The following NAALADL2 variants were observed in gnomAD, a reference collection of about 807,000 sequenced individuals.
The protein encoded by NAALADL2 is inactive N-acetylated-alpha-linked acidic dipeptidase-like protein 2.
Under a neutral mutation model 87.2 loss-of-function variants are expected in NAALADL2, and 76 were observed. That is an observed-to-expected ratio of 0.87 (90% confidence interval 0.72 to 1.05). The LOEUF (loss-of-function observed/expected upper bound fraction) is 1.05, where lower values mean the gene tolerates loss of function less well. Ranked by LOEUF, NAALADL2 falls within the 50% of genes least tolerant of loss-of-function variation. The pLI, the probability that NAALADL2 is intolerant of heterozygous loss-of-function variation, is 0.00. For synonymous variants in NAALADL2, 354 were observed against 331.0 expected, an observed-to-expected ratio of 1.07 and a Z score of -0.75; for missense variants, 1,089 against 945.8, an observed-to-expected ratio of 1.15 and a Z score of -1.99.
chr3:175,117,785 T>C (rs1580541691), intron 2 of NAALADL2, among the ~76,000 whole-genome samples: 1 of 152,114 alleles, frequency 6.6e-6, no homozygotes, highest in Non-Finnish European at 1.5e-5. Flanking sequence ...CAAAGGATTA[T>C]AAATCATGCT....
chr3:175,418,962 T>C (rs1409028688), intron 5 of NAALADL2, among the ~76,000 whole-genome samples: 1 of 151,956 alleles, frequency 6.6e-6, no homozygotes, highest in Non-Finnish European at 1.5e-5. Context: ...ATGTATCAGA[T>C]GTGATAAACC....
intron 2 of NAALADL2, among the ~76,000 whole-genome samples, chr3:174,562,083 ATAT>A (rs1224948172): frequency 3.3e-5 from 5 of 152,148 alleles, no homozygotes; most frequent in Non-Finnish European, 7.4e-5. Flanking sequence ...GAATACAGAA[ATAT>A]TATTTCATGC....
chr3:175,083,941 G>A (rs191990855), intron 1 of NAALADL2, among the ~76,000 whole-genome samples: 152 of 152,296 alleles, frequency 1.0e-3, no homozygotes, highest in Middle Eastern at 3.4e-3. Context: ...ATTAAGAACT[G>A]AACCTGAGGG....
At position 174,644,445 on chromosome 3, in the gene NAALADL2, GGAGGAA is replaced by G. The variant is rs565660530; in HGVS notation, c.-114-93183_-114-93178del. Among the ~76,000 whole-genome samples, 1,017 of 152,278 alleles carry G rather than the reference GGAGGAA, an allele frequency of 6.7e-3. 5 individuals are homozygous for G. Among genetic ancestry groups the G allele is most frequent in the South Asian group, 0.011 (54 of 4,826 alleles). On this transcript the variant is annotated intron_variant, in intron 2 of 3. Transcript: ENST00000434257. ...ATTGTTTTCATGCTGAGTAGGCTAA[GGAGGAA>G]GAGGAAGAGGAATGGTTGATCTTGC...
rs573322885 is a variant in NAALADL2 at position 175,341,311 on chromosome 3, A to G, written c.1090+16986A>G. ...AGCATAATACTTTTAAGATTCATTC[A>G]TGTTGTAGCAGGTATCAGTACTTTA... On this transcript the variant is annotated intron_variant, in intron 5 of 13. Coordinates refer to ENST00000454872, the MANE Select transcript of NAALADL2 (RefSeq NM_207015.3). 4.1e-4 allele frequency among the ~76,000 whole-genome samples: 62 copies of G among 152,262 alleles called. 1 individual carries two copies. The highest frequency in any genetic ancestry group is 6.2e-4 in the South Asian group (3 of 4,826).
At chr3:174,936,237 G>C (rs1221660491) in intron 1 of NAALADL2, among the ~76,000 whole-genome samples, 1 of 152,004 alleles carries the variant, frequency 6.6e-6, no homozygotes, top group Non-Finnish European at 1.5e-5. Flanking sequence ...TAGTAGTTTG[G>C]AAATGACTTT....
chr3:174,927,588 C>T (rs971890618), intron 1 of NAALADL2, among the ~76,000 whole-genome samples: 1 of 152,164 alleles, frequency 6.6e-6, no homozygotes, highest in Non-Finnish European at 1.5e-5. Flanking sequence ...GGAAACTGAA[C>T]AACCTGCTCC....
At chr3:174,580,387 A>G (rs1411873055) in intron 2 of NAALADL2, among the ~76,000 whole-genome samples, 1 of 152,110 alleles carries the variant, frequency 6.6e-6, no homozygotes, top group Non-Finnish European at 1.5e-5. Flanking sequence ...AAATCCTCTC[A>G]TCTTTTTATA....
intron 1 of NAALADL2, among the ~76,000 whole-genome samples, chr3:174,869,935 C>T (rs997559728): frequency 6.8e-6 from 1 of 147,104 alleles, no homozygotes; most frequent in African/African-American, 2.5e-5. Context: ...GGCGGAGGTT[C>T]CAGTGGGCCG....
intron 5 of NAALADL2, among the ~76,000 whole-genome samples, chr3:175,444,392 C>G (rs1005253578): frequency 6.6e-6 from 1 of 152,174 alleles, no homozygotes; most frequent in African/African-American, 2.4e-5. Context: ...AATTTGTCCT[C>G]AAGTGCAGCC....
chr3:175,642,499 C>CTTTT (rs1206070195), intron 11 of NAALADL2, among the ~76,000 whole-genome samples: 31 of 141,422 alleles, frequency 2.2e-4, no homozygotes, highest in Non-Finnish European at 2.3e-4. Context: ...TCACCCAAAT[C>CTTTT]TTTTTTTTTT....
At position 175,661,119 on chromosome 3, in the gene NAALADL2, A is replaced by G. The variant is rs145821587; in HGVS notation, c.1896+33733A>G. On this transcript the variant is annotated intron_variant, in intron 11 of 13. Coordinates refer to ENST00000454872, the MANE Select transcript of NAALADL2 (RefSeq NM_207015.3). ...TGTTTTACATCCCTATCAATGGTGT[A>G]AAGATGTTCCCCTTTCTCCACATCC... 2.2e-4 allele frequency among the ~76,000 whole-genome samples: 33 copies of G among 152,190 alleles called. No homozygotes were observed. In the East Asian group the frequency reaches 6.0e-3, roughly 28 times the overall value.
chr3:174,790,345 A>G (rs1717308047), intron 3 of NAALADL2, among the ~76,000 whole-genome samples: 1 of 152,142 alleles, frequency 6.6e-6, no homozygotes, highest in Non-Finnish European at 1.5e-5. Context: ...TTTAAAAAGA[A>G]TGATCTGTCA....
intron 2 of NAALADL2, among the ~76,000 whole-genome samples, chr3:175,156,188 T>C (rs938974513): frequency 3.9e-5 from 6 of 152,174 alleles, no homozygotes; most frequent in Admixed American, 6.6e-5. Context: ...GAACAAATAC[T>C]TATTCTTCCA....
chr3:175,130,567 T>C (rs1405540083), intron 2 of NAALADL2, among the ~76,000 whole-genome samples: 2 of 152,218 alleles, frequency 1.3e-5, no homozygotes, highest in African/African-American at 4.8e-5. Context: ...CCTATAGATA[T>C]TCAGCATTCC....
At chr3:175,685,135 T>G (rs1736095837) in intron 11 of NAALADL2, among the ~76,000 whole-genome samples, 1 of 152,154 alleles carries the variant, frequency 6.6e-6, no homozygotes, top group Non-Finnish European at 1.5e-5. Context: ...GTATTAGCTC[T>G]TTGGATCCCT....
chr3:175,575,421 A>G (rs1355924201), intron 9 of NAALADL2, among the ~76,000 whole-genome samples: 1 of 152,036 alleles, frequency 6.6e-6, no homozygotes, highest in African/African-American at 2.4e-5. Context: ...AATAGCTGGA[A>G]TTACAGGCTC....
intron 1 of NAALADL2, among the ~76,000 whole-genome samples, chr3:174,895,311 T>G (rs1238664322): frequency 6.7e-6 from 1 of 150,028 alleles, no homozygotes; most frequent in Admixed American, 6.6e-5. Flanking sequence ...AGAGAGAAGA[T>G]CTAAAAAAAG....
At chr3:175,749,295 CAAA>C (rs1424734928) in intron 12 of NAALADL2, among the ~76,000 whole-genome samples, 3 of 151,676 alleles carry the variant, frequency 2.0e-5, no homozygotes, top group Non-Finnish European at 2.9e-5. Context: ...GATTGGGGAA[CAAA>C]GTTAATACCC....
Sources: gnomAD v4.1 joint callset for allele counts (sites outside exome capture counted in the v4.1 genomes callset) on GRCh38, gnomAD v4.1.1 for gene constraint, MANE v1.5 for transcripts, NCBI Gene and HGNC (gene_info 2026-07-23, HGNC 2026-07-21) for gene names.